The following SHROOM2 variants were observed in gnomAD, a reference collection of about 807,000 sequenced individuals.
SHROOM2 encodes shroom family member 2.
In SHROOM2, 33 loss-of-function variants were observed where a neutral mutation model predicts 75.9. The ratio of observed to expected loss-of-function variants is 0.43; its 90% CI spans 0.33 to 0.58. SHROOM2 has a LOEUF of 0.58. Among genes scored for constraint, SHROOM2 ranks in the 20% least tolerant of loss-of-function variants. The pLI is 0.04. For missense variants in SHROOM2, 1,434 were observed against 1,461.2 expected (o/e 0.98, Z 0.30); for synonymous variants, 655 against 663.6 (o/e 0.99, Z 0.20).
intron 1 of SHROOM2, among the ~76,000 whole-genome samples, chrX:9,863,253 ACT>A (rs1294564487): frequency 1.8e-5 from 2 of 109,814 alleles, no homozygotes; most frequent in Non-Finnish European, 3.8e-5. Flanking sequence ...CTGTCTGCCA[ACT>A]CAGTCTCCAC....
chrX:9,792,074 T>C (rs1243730822), intron 1 of SHROOM2, among the ~76,000 whole-genome samples: 1 of 9,087 alleles, frequency 1.1e-4, no homozygotes, highest in East Asian at 1.7e-3. Context: ...TAGAATAGAA[T>C]AGAATAGAAT....
At chrX:9,807,996 A>G (rs909746857) in intron 1 of SHROOM2, among the ~76,000 whole-genome samples, 1 of 111,593 alleles carries the variant, frequency 9.0e-6, no homozygotes, top group South Asian at 3.7e-4. Flanking sequence ...TGCAGCCCCG[A>G]GCTTTTGGCC....
chrX:9,946,449 G>A (rs772489679), intron 9 of SHROOM2, among the ~76,000 whole-genome samples: 8 of 112,767 alleles, frequency 7.1e-5, no homozygotes, highest in Admixed American at 1.9e-4. Flanking sequence ...GCCTGTGGGC[G>A]GCTTCTGGGG....
intron 1 of SHROOM2, 148 bp downstream of exon 1, chrX:9,786,858 C>G: frequency 2.8e-6 from 1 of 359,745 alleles, no homozygotes. Context: ...GGCCTGGGCG[C>G]CGGGACCGGC....
rs1569133005 is a variant in SHROOM2, at chrX:9,792,068, AT to A, written c.165+5359del. 4.6e-3 allele frequency among the ~76,000 whole-genome samples: 54 copies of A among 11,726 alleles called. 4 individuals are homozygous for A. The highest frequency in any genetic ancestry group is 7.8e-3 in the South Asian group (2 of 257). The allele number at this position is 11,726 out of a possible 115,157, so 10.2% of individuals were successfully genotyped here. A position where few individuals can be genotyped will look rare whatever the true frequency, so the allele number is the denominator to read the frequency against. ...ATAGAATAGAATAGAATAGAATAGA[AT>A]AGAATAGAATAGAATAGAATAGAAT... On this transcript the variant is annotated intron_variant, in intron 1 of 9. Coordinates refer to ENST00000380913, the MANE Select transcript of SHROOM2 (RefSeq NM_001649.4).
Position 9,947,467 on chromosome X carries a change from A to T in SHROOM2, c.*530A>T, listed in dbSNP as rs181291636. On this transcript the variant is annotated 3_prime_UTR_variant, in exon 10 of 10. Transcript: ENST00000380913. ...GTTCTCTGACCCAGCAGAAATCATC[A>T]TCATGATGATGATAATTTATTAACT... The T allele has an allele frequency of 2.6e-3, 296 of 113,772 alleles. 1 individual carries two copies. Among genetic ancestry groups the T allele is most frequent in the African/African-American group, 8.4e-3 (261 of 31,040 alleles). 9.4% of individuals were successfully genotyped at this position (113,772 alleles called of 1,213,427 possible).
intron 1 of SHROOM2, among the ~76,000 whole-genome samples, chrX:9,837,951 G>C (rs756243192): frequency 2.7e-5 from 3 of 111,061 alleles, no homozygotes; most frequent in African/African-American, 9.8e-5. Flanking sequence ...GTCACCATTA[G>C]TCAGCAGAAC....
Position 9,825,151 on chromosome X carries a change from A to G in SHROOM2, c.165+38441A>G, listed in dbSNP as rs1341570423. ...CAAAATACAAAGGTTATGGAATAAT[A>G]TGTGCTTCGAATAGCTTAAGTGGTT... On this transcript the variant is annotated intron_variant, in intron 1 of 9. Transcript: ENST00000380913. 2.7e-5 allele frequency among the ~76,000 whole-genome samples: 3 copies of G among 112,506 alleles called. No homozygotes were observed. The South Asian group carries it at 1.1e-3, about 41-fold the overall frequency.
At chrX:9,795,348 T>A (rs1179330090) in intron 1 of SHROOM2, among the ~76,000 whole-genome samples, 2 of 111,939 alleles carry the variant, frequency 1.8e-5, no homozygotes, top group East Asian at 5.5e-4. Context: ...TTCAACATCA[T>A]CTTCTAATCT....
At position 9,932,535 on chromosome X, in the gene SHROOM2, C is replaced by T. The variant is rs1203555171; in HGVS notation, c.3252C>T (p.Asp1084=). The change falls in exon 6 of 10, where the codon GAC becomes GAT. Residue 1084 remains aspartate (D), a synonymous_variant. Transcript: ENST00000380913. ...GGGCCACAGACGGCGCACCTGCTGA[C>T]GCCCCCGTGGGCGTCCTCGGCAGGC... is the stretch of plus-strand genomic sequence containing the variant. ...RYRATDGAPA[D]APVGVLGRPF... is the part of the protein sequence containing the mutation. 4 of 1,211,206 alleles carry T rather than the reference C, an allele frequency of 3.3e-6. No homozygotes were observed. The highest frequency in any genetic ancestry group is 2.2e-5 in the Admixed American group (1 of 46,066).
chrX:9,807,533 G>A (rs1048184622), intron 1 of SHROOM2, among the ~76,000 whole-genome samples: 4 of 111,667 alleles, frequency 3.6e-5, no homozygotes, highest in African/African-American at 6.5e-5. Flanking sequence ...GCTTCCAGAG[G>A]CCTCATAGCA....
At chrX:9,808,591 G>C (rs1395251805) in intron 1 of SHROOM2, among the ~76,000 whole-genome samples, 2 of 110,455 alleles carry the variant, frequency 1.8e-5, no homozygotes, top group Non-Finnish European at 3.8e-5. Flanking sequence ...GTTGGGCGCA[G>C]TGGTTCACGC....
chrX:9,847,812 C>G (rs1160236220), intron 1 of SHROOM2, among the ~76,000 whole-genome samples: 1 of 112,292 alleles, frequency 8.9e-6, no homozygotes, highest in African/African-American at 3.2e-5. Flanking sequence ...CTCTTGGACA[C>G]TTACAGTGTT....
chrX:9,895,187 C>G lies in SHROOM2; in HGVS notation c.1279C>G (p.Arg427Gly), dbSNP rs1318619986. ...CTTCCCTCAGTCTCCTCATAGCGGC[C>G]GACACCCTCCCCTATACAGCGACCA... ...VRFPQSPHSG[R>G]HPPLYSDHSP... is the part of the protein sequence containing the mutation. Residue 427 changes from arginine to glycine, a missense_variant, in exon 4 of 10, where the codon CGA (arginine) becomes GGA (glycine). By Grantham distance (125) the Arg-to-Gly change is moderately radical. Transcript: ENST00000380913. 3 of 1,210,140 alleles carry G rather than the reference C, an allele frequency of 2.5e-6. No homozygotes were observed. Among genetic ancestry groups the G allele is most frequent in the Non-Finnish European group, 3.4e-6 (3 of 895,098 alleles).
intron 1 of SHROOM2, among the ~76,000 whole-genome samples, chrX:9,793,568 G>C (rs778314250): frequency 3.6e-5 from 4 of 110,668 alleles, no homozygotes; most frequent in Non-Finnish European, 7.6e-5. Context: ...GAGATTACAG[G>C]CATGAGCCAC....
At chrX:9,942,810 A>G (rs188493746) in intron 8 of SHROOM2, among the ~76,000 whole-genome samples, 2 of 111,107 alleles carry the variant, frequency 1.8e-5, no homozygotes, top group South Asian at 3.9e-4. Context: ...CAAAAAGACT[A>G]CAATCCAGTC....
intron 2 of SHROOM2, among the ~76,000 whole-genome samples, chrX:9,878,701 C>T (rs2084214794): frequency 9.0e-6 from 1 of 111,093 alleles, no homozygotes; most frequent in African/African-American, 3.3e-5. Context: ...TAAGGGGCCG[C>T]CTAAGACGTC....
At chrX:9,885,819 G>A (rs1009908774) in intron 2 of SHROOM2, among the ~76,000 whole-genome samples, 1 of 109,254 alleles carries the variant, frequency 9.2e-6, no homozygotes, top group African/African-American at 3.3e-5. Context: ...TTGGCGTGGT[G>A]GTGTGTGTCT....
chrX:9,802,925 C>CTTTTTTTTTTT (rs764750698), intron 1 of SHROOM2, among the ~76,000 whole-genome samples: 1 of 86,819 alleles, frequency 1.2e-5, no homozygotes, highest in African/African-American at 4.6e-5. Flanking sequence ...CTGCAGATTT[C>CTTTTTTTTTTT]TTTTTTTTTT....
Sources: allele counts gnomAD v4.1 joint callset (sites outside exome capture counted in the v4.1 genomes callset), GRCh38; gene constraint gnomAD v4.1.1; transcripts MANE v1.5; gene names NCBI Gene and HGNC (gene_info 2026-07-23, HGNC 2026-07-21).